The following EPHA3 variants were observed in gnomAD, a reference collection of about 807,000 sequenced individuals.
The protein encoded by EPHA3 is EPH receptor A3, also known as ephrin type-A receptor 3.
A neutral mutation model predicts 107.1 loss-of-function variants in EPHA3; 42 were observed. The ratio of observed to expected loss-of-function variants is 0.39; its 90% CI spans 0.31 to 0.51. EPHA3 has a LOEUF of 0.51. EPHA3 is among the 20% of genes least tolerant of loss of function. The pLI is 0.78. For missense variants in EPHA3, 1,183 were observed against 1,211.2 expected (o/e 0.98, Z 0.35); for synonymous variants, 461 against 424.8 (o/e 1.09, Z -1.05).
At chr3:89,332,970 G>A (rs1426600955) in intron 3 of EPHA3, among the ~76,000 whole-genome samples, 1 of 152,222 alleles carries the variant, frequency 6.6e-6, no homozygotes, top group South Asian at 2.1e-4. Flanking sequence ...GCAATTGAAA[G>A]GCTGCCTTCT....
At chr3:89,303,188 A>C (rs1341475750) in intron 3 of EPHA3, among the ~76,000 whole-genome samples, 1 of 152,028 alleles carries the variant, frequency 6.6e-6, no homozygotes, top group Admixed American at 6.6e-5. Context: ...GAGCTACTGC[A>C]CCCAGCCTCT....
rs560747082 is a variant in EPHA3, at chr3:89,238,819, A to T, written c.814+28299A>T. ...AAACAATAGCAAATATTTAAAATTAAACTACTCATAGTGTTTATAATAAAC... is the reference window on the plus strand; with the variant it reads ...AAACAATAGCAAATATTTAAAATTATACTACTCATAGTGTTTATAATAAAC... On this transcript the variant is annotated intron_variant, in intron 3 of 16. Transcript: ENST00000336596. Among the ~76,000 whole-genome samples, 6 of 152,314 alleles carry T rather than the reference A, an allele frequency of 3.9e-5. No homozygotes were observed. In the East Asian group the frequency reaches 1.2e-3, roughly 29 times the overall value.
chr3:89,195,959 G>A (rs1705828513), intron 2 of EPHA3, among the ~76,000 whole-genome samples: 1 of 152,086 alleles, frequency 6.6e-6, no homozygotes, highest in East Asian at 1.9e-4. Context: ...AGTGATTCTA[G>A]GAAAAAGTAA....
chr3:89,198,665 A>C (rs1344382366), intron 2 of EPHA3, among the ~76,000 whole-genome samples: 1 of 152,218 alleles, frequency 6.6e-6, no homozygotes. Flanking sequence ...AAATTTAGCT[A>C]TCTGAAGATC....
At chr3:89,376,323 T>C (rs1708402129) in intron 5 of EPHA3, among the ~76,000 whole-genome samples, 1 of 151,620 alleles carries the variant, frequency 6.6e-6, no homozygotes, top group African/African-American at 2.4e-5. Flanking sequence ...TTGAGCTTTA[T>C]GTAGGATGTG....
At chr3:89,266,813 A>T (rs1705548908) in intron 3 of EPHA3, among the ~76,000 whole-genome samples, 1 of 152,118 alleles carries the variant, frequency 6.6e-6, no homozygotes, top group South Asian at 2.1e-4. Flanking sequence ...TAGACACACA[A>T]ATTAGCAGTG....
chr3:89,449,146 G>A (rs2107552956), intron 13 of EPHA3, 79 bp from the exon 14 acceptor site: 1 of 1,303,838 alleles, frequency 7.7e-7, no homozygotes, highest in Non-Finnish European at 1.0e-6. Flanking sequence ...GAGAAATTCT[G>A]TCCGGTTTCA....
intron 3 of EPHA3, among the ~76,000 whole-genome samples, chr3:89,219,921 G>T (rs1219910973): frequency 6.7e-6 from 1 of 148,794 alleles, no homozygotes; most frequent in Non-Finnish European, 1.5e-5. Flanking sequence ...TTTTAGCCGG[G>T]ATGGTCTCGA....
At chr3:89,220,085 C>T (rs1293040638) in intron 3 of EPHA3, among the ~76,000 whole-genome samples, 1 of 152,072 alleles carries the variant, frequency 6.6e-6, no homozygotes, top group Non-Finnish European at 1.5e-5. Context: ...ACACATGTTG[C>T]TAAATATCCT....
chr3:89,466,551 C>T (rs1185268697), intron 15 of EPHA3, among the ~76,000 whole-genome samples: 7 of 132,854 alleles, frequency 5.3e-5, no homozygotes, highest in East Asian at 2.0e-4. Context: ...TTTCTTAAGC[C>T]GGTCTGAAAA....
At chr3:89,124,572 G>A (rs1490405757) in intron 1 of EPHA3, among the ~76,000 whole-genome samples, 2 of 151,876 alleles carry the variant, frequency 1.3e-5, no homozygotes, top group African/African-American at 2.4e-5. Flanking sequence ...CATGTATTTA[G>A]GTCATGTAAT....
chr3:89,229,874 T>C (rs1179342339), intron 3 of EPHA3, among the ~76,000 whole-genome samples: 1 of 152,068 alleles, frequency 6.6e-6, no homozygotes, highest in Non-Finnish European at 1.5e-5. Flanking sequence ...TTACAAAGCC[T>C]TGGAGTATTT....
rs138760590 is a variant in EPHA3, at chr3:89,137,147, C to T, written c.153+9874C>T. On this transcript the variant is annotated intron_variant, in intron 2 of 16. Coordinates refer to ENST00000336596, the MANE Select transcript of EPHA3 (RefSeq NM_005233.6). ...GTATGGCAGACTGAATAGGTTTGTG[C>T]ATTATTAAGAAATGGCCTATTCCTT... Among the ~76,000 whole-genome samples, 70 of 151,956 alleles carry T rather than the reference C, an allele frequency of 4.6e-4. No individual in the cohort carries two copies. In the Middle Eastern group the frequency reaches 0.014, roughly 30 times the overall value.
chr3:89,184,413 G>A (rs140320930), intron 2 of EPHA3, among the ~76,000 whole-genome samples: 44 of 152,076 alleles, frequency 2.9e-4, no homozygotes, highest in African/African-American at 9.4e-4. Flanking sequence ...CATTGGGCTG[G>A]TTGTTTACAT....
At chr3:89,189,451 G>A (rs901536662) in intron 2 of EPHA3, among the ~76,000 whole-genome samples, 1 of 152,128 alleles carries the variant, frequency 6.6e-6, no homozygotes, top group Non-Finnish European at 1.5e-5. Flanking sequence ...AAATTAGCTG[G>A]GCACGGTGGC....
intron 3 of EPHA3, among the ~76,000 whole-genome samples, chr3:89,303,744 G>A (rs1211054935): frequency 6.6e-6 from 1 of 151,974 alleles, no homozygotes; most frequent in African/African-American, 2.4e-5. Flanking sequence ...TTAAAATAAA[G>A]CAACTATTTT....
intron 3 of EPHA3, among the ~76,000 whole-genome samples, chr3:89,280,519 G>A (rs1299789223): frequency 1.3e-5 from 2 of 152,162 alleles, no homozygotes; most frequent in Non-Finnish European, 2.9e-5. Context: ...ATTGATTAGT[G>A]CTGAGTGAAC....
chr3:89,269,009 A>G (rs557048762), intron 3 of EPHA3, among the ~76,000 whole-genome samples: 39 of 152,010 alleles, frequency 2.6e-4, no homozygotes, highest in Non-Finnish European at 5.4e-4. Flanking sequence ...TTAGAATTTT[A>G]AAAGTAATAT....
At chr3:89,389,050 C>T (rs552398791) in intron 5 of EPHA3, among the ~76,000 whole-genome samples, 3 of 152,120 alleles carry the variant, frequency 2.0e-5, no homozygotes, top group Non-Finnish European at 4.4e-5. Context: ...GAAAGTTGAG[C>T]TGATTGGCAA....
Sources: gnomAD v4.1 joint callset for allele counts (sites outside exome capture counted in the v4.1 genomes callset) on GRCh38, gnomAD v4.1.1 for gene constraint, MANE v1.5 for transcripts, NCBI Gene and HGNC (gene_info 2026-07-23, HGNC 2026-07-21) for gene names.